Variants in SGMS1 observed in about 807,000 individuals in gnomAD.
SGMS1 encodes sphingomyelin synthase 1.
Under a neutral mutation model 46.2 loss-of-function variants are expected in SGMS1, and 13 were observed. The observed-to-expected ratio is 0.28, with a 90% CI of 0.18 to 0.45. SGMS1 has a LOEUF of 0.45. Among genes scored for constraint, SGMS1 ranks in the 20% least tolerant of loss-of-function variants. The pLI is 1.00. For synonymous variants in SGMS1, 203 were observed against 187.8 expected, an observed-to-expected ratio of 1.08 and a Z score of -0.66; for missense variants, 324 against 519.9, an observed-to-expected ratio of 0.62 and a Z score of 3.66.
intron 6 of SGMS1, among the ~76,000 whole-genome samples, chr10:50,356,588 TATTGTATGTTAATTACATC>T (rs1848152957): frequency 6.6e-6 from 1 of 151,746 alleles, no homozygotes; most frequent in Non-Finnish European, 1.5e-5. Flanking sequence ...AAAAAAAATT[TATTGTATGTTAATTACATC>T]TCAATAAAGC....
chr10:50,492,472 A>T (rs1837575154), intron 3 of SGMS1, among the ~76,000 whole-genome samples: 1 of 152,236 alleles, frequency 6.6e-6, no homozygotes. Flanking sequence ...ATACAAAATC[A>T]ATGTGCAAAA....
intron 6 of SGMS1, among the ~76,000 whole-genome samples, chr10:50,405,803 C>T (rs1231252825): frequency 6.6e-6 from 1 of 152,188 alleles, no homozygotes; most frequent in Admixed American, 6.5e-5. Flanking sequence ...CCTGGAATGT[C>T]ATTTAGCTGA....
chr10:50,400,245 T>C (rs2133535798), intron 6 of SGMS1, among the ~76,000 whole-genome samples: 1 of 151,870 alleles, frequency 6.6e-6, no homozygotes, highest in South Asian at 2.1e-4. Context: ...CTAGCTCTTC[T>C]GTTTACTTGC....
chr10:50,529,490 G>A (rs913636766), intron 2 of SGMS1, among the ~76,000 whole-genome samples: 4 of 152,112 alleles, frequency 2.6e-5, no homozygotes, highest in African/African-American at 9.7e-5. Context: ...TGCCCGAGGA[G>A]GATTACTTAT....
rs1848658936 is a variant in SGMS1, at chr10:50,384,843, T to C, written c.-231-40498A>G. 3.9e-5 allele frequency among the ~76,000 whole-genome samples: 6 copies of C among 152,310 alleles called. No homozygotes were observed. In the South Asian group the frequency reaches 1.2e-3, roughly 32 times the overall value. On this transcript the variant is annotated intron_variant, in intron 6 of 10. Coordinates refer to ENST00000361781, the MANE Select transcript of SGMS1 (RefSeq NM_147156.4). The stretch of plus-strand genomic sequence containing the variant: ...CCTTCACCCAGAGTCCTTTATATTA[T>C]CAACTTAGATGAGGATAGTACAATG...
At chr10:50,530,349 A>G (rs1451676168) in intron 2 of SGMS1, among the ~76,000 whole-genome samples, 1 of 152,230 alleles carries the variant, frequency 6.6e-6, no homozygotes, top group African/African-American at 2.4e-5. Context: ...AATTAACTTG[A>G]TAATGCTGTC....
intron 3 of SGMS1, among the ~76,000 whole-genome samples, chr10:50,508,539 C>A (rs528714273): frequency 1.7e-4 from 26 of 152,306 alleles, no homozygotes; most frequent in Middle Eastern, 3.4e-3. Context: ...ATTACTATGG[C>A]CCCCTTTCTG....
intron 1 of SGMS1, among the ~76,000 whole-genome samples, chr10:50,598,606 C>T (rs995261786): frequency 8.6e-5 from 13 of 151,900 alleles, no homozygotes; most frequent in African/African-American, 3.1e-4. Flanking sequence ...AAGTTCCTTG[C>T]CAAGGGAACA....
intron 6 of SGMS1, among the ~76,000 whole-genome samples, chr10:50,379,025 T>C: frequency 6.6e-6 from 1 of 152,128 alleles, no homozygotes; most frequent in East Asian, 1.9e-4. Context: ...ATGCCAAAAG[T>C]ATGAAATAGT....
intron 6 of SGMS1, among the ~76,000 whole-genome samples, chr10:50,420,400 T>A (rs1428242289): frequency 6.6e-6 from 1 of 152,246 alleles, no homozygotes; most frequent in Non-Finnish European, 1.5e-5. Context: ...TTCTAGCCGC[T>A]GTTCCAGCAG....
At chr10:50,601,516 T>C (rs561004483) in intron 1 of SGMS1, among the ~76,000 whole-genome samples, 6 of 152,342 alleles carry the variant, frequency 3.9e-5, no homozygotes, top group Admixed American at 1.3e-4. Context: ...TCTTAACCTC[T>C]TGTAGCCAAA....
At chr10:50,525,136 C>A (rs182339818) in intron 2 of SGMS1, among the ~76,000 whole-genome samples, 24 of 152,264 alleles carry the variant, frequency 1.6e-4, no homozygotes, top group African/African-American at 5.8e-4. Flanking sequence ...AGGAAAGAAT[C>A]TGGAATATTT....
At chr10:50,322,598 C>T (rs1013406504) in intron 8 of SGMS1, among the ~76,000 whole-genome samples, 3 of 151,090 alleles carry the variant, frequency 2.0e-5, no homozygotes, top group South Asian at 2.1e-4. Context: ...TTTGGGAGGC[C>T]GAGGCGGGTG....
At position 50,462,792 on chromosome 10, in the gene SGMS1, A is replaced by G. The variant is rs554695472; in HGVS notation, c.-454-1978T>C. ...ATAGAAAACTATATTAGAGCAAACAATAGGCATCACTGATGTCTGGAAAGC... is the reference window on the plus strand; with the variant it reads ...ATAGAAAACTATATTAGAGCAAACAGTAGGCATCACTGATGTCTGGAAAGC... On this transcript the variant is annotated intron_variant, in intron 4 of 10. Coordinates refer to ENST00000361781, the MANE Select transcript of SGMS1 (RefSeq NM_147156.4). Among the ~76,000 whole-genome samples, 7 of 152,294 alleles carry G rather than the reference A, an allele frequency of 4.6e-5. 1 individual carries two copies. The South Asian group carries it at 1.5e-3, about 32-fold the overall frequency.
intron 8 of SGMS1, among the ~76,000 whole-genome samples, chr10:50,316,674 G>A (rs1036771748): frequency 2.0e-5 from 3 of 152,136 alleles, no homozygotes; most frequent in African/African-American, 7.2e-5. Flanking sequence ...TCTTCCTCCA[G>A]AATAGAAAAT....
chr10:50,523,861 C>T (rs1588863951), intron 2 of SGMS1, among the ~76,000 whole-genome samples: 1 of 152,306 alleles, frequency 6.6e-6, no homozygotes, highest in East Asian at 1.9e-4. Flanking sequence ...CAAGTCTTTC[C>T]CTGCACAAGC....
At chr10:50,604,620 T>C (rs1484007580) in intron 1 of SGMS1, among the ~76,000 whole-genome samples, 1 of 152,232 alleles carries the variant, frequency 6.6e-6, no homozygotes, top group East Asian at 1.9e-4. Flanking sequence ...GGTTATTCTT[T>C]GGAATGGAGT....
At chr10:50,571,766 C>T (rs1838338714) in intron 2 of SGMS1, among the ~76,000 whole-genome samples, 1 of 151,826 alleles carries the variant, frequency 6.6e-6, no homozygotes, top group Admixed American at 6.6e-5. Context: ...TGTGTAAATA[C>T]ACACATAAGT....
At chr10:50,568,836 G>A (rs1483979279) in intron 2 of SGMS1, among the ~76,000 whole-genome samples, 3 of 152,090 alleles carry the variant, frequency 2.0e-5, no homozygotes, top group African/African-American at 4.8e-5. Context: ...CTGTGAGGGC[G>A]CTTACAGACA....
Sources: gnomAD v4.1 joint callset for allele counts (sites outside exome capture counted in the v4.1 genomes callset) on GRCh38, gnomAD v4.1.1 for gene constraint, MANE v1.5 for transcripts, NCBI Gene and HGNC (gene_info 2026-07-23, HGNC 2026-07-21) for gene names.